The following CDC14A variants were observed in gnomAD, a reference collection of about 807,000 sequenced individuals.
CDC14A encodes the protein dual specificity protein phosphatase CDC14A.
CDC14A carries 53 observed loss-of-function variants against 74.4 expected under a neutral mutation model. The observed-to-expected ratio is 0.71, with a 90% CI of 0.57 to 0.89. CDC14A has a LOEUF of 0.89. Among genes scored for constraint, CDC14A ranks in the 40% least tolerant of loss-of-function variants. The pLI, the probability that CDC14A is intolerant of heterozygous loss-of-function variation, is 0.00. For missense variants in CDC14A, 646 were observed against 713.7 expected (o/e 0.91, Z 1.08); for synonymous variants, 247 against 258.4 (o/e 0.96, Z 0.43).
Position 100,443,776 on chromosome 1 carries a change from G to A in CDC14A, c.519+780G>A, listed in dbSNP as rs540282996. 2.6e-5 allele frequency among the ~76,000 whole-genome samples: 4 copies of A among 152,222 alleles called. No individual in the cohort carries two copies. The East Asian group carries it at 7.7e-4, about 29-fold the overall frequency. Reference sequence around the variant, plus strand: ...AATGTCTTGACTGCTCAAAATGCAGGCAAAGGCTATCTCCAAGCTGGTTTG... The same window carrying A: ...AATGTCTTGACTGCTCAAAATGCAGACAAAGGCTATCTCCAAGCTGGTTTG... On this transcript the variant is annotated intron_variant, in intron 7 of 15. Transcript: ENST00000336454.
chr1:100,412,756 T>A lies in CDC14A; in HGVS notation c.310-11466T>A, dbSNP rs1179046630. 5.3e-5 allele frequency among the ~76,000 whole-genome samples: 5 copies of A among 94,142 alleles called. 1 individual carries two copies. Among genetic ancestry groups the A allele is most frequent in the Admixed American group, 4.1e-4 (4 of 9,714 alleles). 61.8% of individuals were successfully genotyped at this position (94,142 alleles called of 152,430 possible). A position where few individuals can be genotyped will look rare whatever the true frequency, so the allele number is the denominator to read the frequency against. On this transcript the variant is annotated intron_variant, in intron 4 of 15. Transcript: ENST00000336454. ...ATATATATTTTATATATATATATTT[T>A]ATATATATATATTATATATATATAT...
intron 4 of CDC14A, among the ~76,000 whole-genome samples, chr1:100,407,002 A>G (rs1031209415): frequency 6.7e-6 from 1 of 149,886 alleles, no homozygotes; most frequent in Non-Finnish European, 1.5e-5. Context: ...TGAAGATCCT[A>G]TGTTTGTAGG....
At chr1:100,491,568 A>ATT (rs1255539504) in intron 11 of CDC14A, among the ~76,000 whole-genome samples, 119 of 76,556 alleles carry the variant, frequency 1.6e-3, no homozygotes, top group African/African-American at 6.1e-3. Context: ...ATATATATAT[A>ATT]TATATTTTTT....
chr1:100,437,816 G>T (rs1300188781), intron 5 of CDC14A, among the ~76,000 whole-genome samples: 1 of 152,050 alleles, frequency 6.6e-6, no homozygotes, highest in African/African-American at 2.4e-5. Flanking sequence ...CTGAGTCTAG[G>T]GGTGGGAAGA....
chr1:100,429,639 G>C (rs1425890995), intron 5 of CDC14A, among the ~76,000 whole-genome samples: 3 of 150,818 alleles, frequency 2.0e-5, no homozygotes, highest in Non-Finnish European at 3.0e-5. Flanking sequence ...ATGCCAATAT[G>C]TGTGGTCAAG....
At chr1:100,490,790 A>G (rs1405087189) in intron 11 of CDC14A, among the ~76,000 whole-genome samples, 1 of 152,228 alleles carries the variant, frequency 6.6e-6, no homozygotes, top group Non-Finnish European at 1.5e-5. Context: ...TGGCTGGTAA[A>G]CATAAAAAAA....
chr1:100,466,463 A>G (rs1258687581), intron 9 of CDC14A, among the ~76,000 whole-genome samples: 2 of 152,100 alleles, frequency 1.3e-5, no homozygotes, highest in African/African-American at 4.8e-5. Context: ...CCAAAATTAA[A>G]CCTCACTCTT....
intron 3 of CDC14A, among the ~76,000 whole-genome samples, chr1:100,384,441 G>T (rs1412167257): frequency 6.6e-6 from 1 of 152,124 alleles, no homozygotes; most frequent in Non-Finnish European, 1.5e-5. Flanking sequence ...TGGTCCTTGT[G>T]TGCTGTAAAT....
chr1:100,464,089 T>C (rs968799114), intron 9 of CDC14A, among the ~76,000 whole-genome samples: 2 of 152,252 alleles, frequency 1.3e-5, no homozygotes, highest in Non-Finnish European at 2.9e-5. Context: ...CCCTTGTTTC[T>C]ATGTTTAAGA....
chr1:100,408,693 T>C (rs1660265800), intron 4 of CDC14A, among the ~76,000 whole-genome samples: 1 of 152,228 alleles, frequency 6.6e-6, no homozygotes, highest in East Asian at 1.9e-4. Context: ...TTTTTTCTTA[T>C]GCTTGTTGAC....
chr1:100,377,769 G>A, intron 3 of CDC14A, 148 bp downstream of exon 3: 1 of 589,526 alleles, frequency 1.7e-6, no homozygotes, highest in Non-Finnish European at 3.0e-6. Context: ...GTTTGAAAGT[G>A]ATCCTCCTGA....
intron 10 of CDC14A, among the ~76,000 whole-genome samples, chr1:100,471,692 A>T (rs1354801544): frequency 6.6e-6 from 1 of 152,154 alleles, no homozygotes; most frequent in East Asian, 1.9e-4. Context: ...CAAATTCAAA[A>T]ATATACAGAC....
At chr1:100,490,084 CATG>C (rs1465832372) in intron 11 of CDC14A, among the ~76,000 whole-genome samples, 1 of 152,216 alleles carries the variant, frequency 6.6e-6, no homozygotes, top group Admixed American at 6.5e-5. Flanking sequence ...GCTACCAACT[CATG>C]AGATTGATTT....
chr1:100,457,823 C>A (rs1008891549), intron 8 of CDC14A, among the ~76,000 whole-genome samples: 2 of 151,364 alleles, frequency 1.3e-5, no homozygotes, highest in Non-Finnish European at 2.9e-5. Context: ...TCTTTTTTTC[C>A]TTTTTAAATT....
intron 5 of CDC14A, among the ~76,000 whole-genome samples, chr1:100,432,551 G>A (rs147479231): frequency 5.3e-4 from 81 of 152,266 alleles, no homozygotes; most frequent in Non-Finnish European, 9.6e-4. Flanking sequence ...ATCCCAGGCT[G>A]AGGCCAGGAG....
At chr1:100,500,317 A>G (rs10875293) in intron 15 of CDC14A, among the ~76,000 whole-genome samples, 129,696 of 152,110 alleles carry the variant, frequency 0.85, 58,713 homozygotes, top group Non-Finnish European at 1. Flanking sequence ...TTCCTCAGCC[A>G]TCATCTAGGG....
At chr1:100,412,767 A>ATATATATATTTT (rs1553179032) in intron 4 of CDC14A, among the ~76,000 whole-genome samples, 2 of 88,438 alleles carry the variant, frequency 2.3e-5, no homozygotes, top group African/African-American at 1.4e-4. Context: ...ATATATATAT[A>ATATATATATTTT]TTATATATAT....
chr1:100,495,891 C>A (rs933625390), intron 12 of CDC14A, 111 bp from the exon 13 acceptor site: 3 of 871,630 alleles, frequency 3.4e-6, no homozygotes, highest in Middle Eastern at 5.0e-4. Context: ...AGGTTTCTCC[C>A]TTTTGCTAAT....
chr1:100,420,057 C>CATATATATATATATAT (rs1383225482), intron 4 of CDC14A, among the ~76,000 whole-genome samples: 1 of 30,578 alleles, frequency 3.3e-5, no homozygotes, highest in Non-Finnish European at 5.9e-5. Context: ...CACACACACA[C>CATATATATATATATAT]ACACACATAT....
Sources: gnomAD v4.1 joint callset for allele counts (sites outside exome capture counted in the v4.1 genomes callset) on GRCh38, gnomAD v4.1.1 for gene constraint, MANE v1.5 for transcripts, NCBI Gene and HGNC (gene_info 2026-07-23, HGNC 2026-07-21) for gene names.